Variants in NBEAL1 observed in about 807,000 individuals in gnomAD.
NBEAL1 encodes the protein neurobeachin like 1.
In NBEAL1, 273 loss-of-function variants were observed where a neutral mutation model predicts 351.3. That is an observed-to-expected ratio of 0.78 (90% CI 0.70 to 0.86). The LOEUF (loss-of-function observed/expected upper bound fraction) is 0.86. Ranked by LOEUF, NBEAL1 falls within the 40% of genes least tolerant of loss-of-function variation. The pLI is 0.00. For synonymous variants in NBEAL1, 1,050 were observed against 1,086.4 expected (o/e 0.97, Z 0.66); for missense variants, 2,961 against 3,201.3 (o/e 0.92, Z 1.81).
At chr2:203,211,360 G>T (rs1330079668) in intron 54 of NBEAL1, among the ~76,000 whole-genome samples, 2 of 151,904 alleles carry the variant, frequency 1.3e-5, no homozygotes, top group Non-Finnish European at 2.9e-5. Flanking sequence ...AATTTTTTAG[G>T]CTGGACATAG....
At chr2:203,019,306 A>G (rs938406562) in intron 2 of NBEAL1, among the ~76,000 whole-genome samples, 2 of 152,176 alleles carry the variant, frequency 1.3e-5, no homozygotes, top group African/African-American at 2.4e-5. Flanking sequence ...TGTATAATTT[A>G]TATTGAGAAC....
chr2:203,207,530 A>C (rs1174999804), intron 51 of NBEAL1, among the ~76,000 whole-genome samples: 4 of 152,256 alleles, frequency 2.6e-5, no homozygotes, highest in Non-Finnish European at 5.9e-5. Context: ...TGTTAGAAAG[A>C]GGTAGACATG....
intron 2 of NBEAL1, chr2:203,040,095 C>T: frequency 2.3e-6 from 2 of 876,944 alleles, no homozygotes; most frequent in Non-Finnish European, 1.9e-6. Context: ...ATCAGTCCTT[C>T]AACACTAGAA....
intron 9 of NBEAL1, among the ~76,000 whole-genome samples, 192 bp from the exon 10 acceptor site, chr2:203,084,271 A>G (rs2061925175): frequency 6.6e-6 from 1 of 152,174 alleles, no homozygotes; most frequent in African/African-American, 2.4e-5. Context: ...CTCATAACGA[A>G]CATTAATTGT....
chr2:203,151,671 A>G (rs1317454411), intron 35 of NBEAL1, 82 bp downstream of exon 35: 1 of 1,314,632 alleles, frequency 7.6e-7, no homozygotes, highest in African/African-American at 1.5e-5. Context: ...TTATTGTTTT[A>G]AATGTGTTTA....
At chr2:203,128,786 T>C (rs10201976) in intron 24 of NBEAL1, among the ~76,000 whole-genome samples, 137,257 of 151,712 alleles carry the variant, frequency 0.9, 62,715 homozygotes, top group Non-Finnish European at 0.96. Flanking sequence ...TTAGTAGAGA[T>C]GGGGTTTCAC....
At chr2:203,166,556 A>AT (rs560496690) in intron 37 of NBEAL1, among the ~76,000 whole-genome samples, 138 of 151,844 alleles carry the variant, frequency 9.1e-4, no homozygotes, top group African/African-American at 3.2e-3. Context: ...TATTATTATT[A>AT]TTTTTTTGAG....
chr2:203,052,719 G>GTTAT (rs56277425), intron 4 of NBEAL1, among the ~76,000 whole-genome samples: 5,778 of 145,474 alleles, frequency 0.04, 147 homozygotes, highest in African/African-American at 0.066. Flanking sequence ...ACCATGCCCA[G>GTTAT]TTATTTATTT....
At chr2:203,095,557 C>T (rs13384077) in intron 10 of NBEAL1, among the ~76,000 whole-genome samples, 1 of 152,090 alleles carries the variant, frequency 6.6e-6, no homozygotes, top group Non-Finnish European at 1.5e-5. Flanking sequence ...TCCCAAAGTG[C>T]TGGGATTACA....
At position 203,145,165 on chromosome 2, in the gene NBEAL1, A is replaced by G; in HGVS notation, c.5304+5A>G. ...GAAAGCAAGCTCAAATTTCAGGTAA[A>G]AAGTAAATGTTTTAATATCTAGTTT... is the stretch of plus-strand genomic sequence containing the variant. On this transcript the variant is annotated splice_donor_5th_base_variant and intron_variant, in intron 33 of 55. Transcript: ENST00000683969. 6.2e-7 allele frequency: 1 copy of G among 1,603,618 alleles called. No homozygotes were observed. Among genetic ancestry groups the G allele is most frequent in the Non-Finnish European group, 8.5e-7 (1 of 1,176,868 alleles).
At chr2:203,153,368 T>C (rs1339608789) in intron 35 of NBEAL1, among the ~76,000 whole-genome samples, 1 of 147,900 alleles carries the variant, frequency 6.8e-6, no homozygotes, top group African/African-American at 2.5e-5. Context: ...CTTGAACTCC[T>C]AGGCTCAAGT....
intron 47 of NBEAL1, among the ~76,000 whole-genome samples, chr2:203,195,180 C>CAA (rs758936224): frequency 2.4e-5 from 3 of 124,334 alleles, no homozygotes; most frequent in African/African-American, 3.0e-5. Context: ...GACTCCATCT[C>CAA]AAAAAAAAAA....
At chr2:203,130,248 G>A (rs2063042783) in intron 24 of NBEAL1, 70 bp from the exon 25 acceptor site, 1 of 1,339,286 alleles carries the variant, frequency 7.5e-7, no homozygotes, top group Admixed American at 3.5e-5. Context: ...TAACTTTTGT[G>A]GCTTATGACC....
At chr2:203,124,439 AGGG>A (rs1163366760) in intron 19 of NBEAL1, among the ~76,000 whole-genome samples, 2 of 152,204 alleles carry the variant, frequency 1.3e-5, no homozygotes, top group African/African-American at 2.4e-5. Flanking sequence ...ACATTTTATT[AGGG>A]AGTTTTGTTA....
chr2:203,089,130 A>C (rs560556257), intron 10 of NBEAL1, among the ~76,000 whole-genome samples: 1 of 152,084 alleles, frequency 6.6e-6, no homozygotes, highest in African/African-American at 2.4e-5. Context: ...AGGCCGAGGC[A>C]GGCAGATCAT....
At chr2:203,040,486 A>G (rs2061122955) in intron 2 of NBEAL1, 1 of 690,498 alleles carries the variant, frequency 1.4e-6, no homozygotes, top group Admixed American at 1.8e-5. Context: ...CAACCCCCAG[A>G]ACCTAAAAAT....
intron 3 of NBEAL1, among the ~76,000 whole-genome samples, chr2:203,043,171 G>A (rs2061170412): frequency 6.6e-6 from 1 of 152,098 alleles, no homozygotes; most frequent in Non-Finnish European, 1.5e-5. Flanking sequence ...TAGAGGAGGT[G>A]AAGTGTTTAG....
At position 203,144,860 on chromosome 2, in the gene NBEAL1, A is replaced by G. The variant is rs1168991093; in HGVS notation, c.5109A>G (p.Gln1703=). Residue 1703 remains glutamine (Q), a synonymous_variant, in exon 32 of 56, where the codon CAA becomes CAG. Coordinates refer to ENST00000683969, the MANE Select transcript of NBEAL1 (RefSeq NM_001378026.1). ...NGSSSFFEDF[Q]EYCNSNEWQV... ...GCTCCTCATTTTTTGAAGATTTTCA[A>G]GAATATTGTAATTCAAATGAATGGC... 1.2e-6 allele frequency: 2 copies of G among 1,608,670 alleles called. No homozygotes were observed. The highest frequency in any genetic ancestry group is 1.7e-4 in the Middle Eastern group (1 of 6,040).
At chr2:203,108,772 G>T (rs942517635) in intron 14 of NBEAL1, among the ~76,000 whole-genome samples, 1 of 152,182 alleles carries the variant, frequency 6.6e-6, no homozygotes, top group African/African-American at 2.4e-5. Flanking sequence ...AAATGGGCCA[G>T]GTGTGGTGGC....
Sources: allele counts gnomAD v4.1 joint callset (sites outside exome capture counted in the v4.1 genomes callset), GRCh38; gene constraint gnomAD v4.1.1; transcripts MANE v1.5; gene names NCBI Gene and HGNC (gene_info 2026-07-23, HGNC 2026-07-21).